ST3GAL4: variants seen among roughly 807,000 people sequenced by gnomAD.
ST3GAL4 encodes CMP-N-acetylneuraminate-beta-galactosamide-alpha-2,3-sialyltransferase 4.
A neutral mutation model predicts 42.6 loss-of-function variants in ST3GAL4; 24 were observed. That is an observed-to-expected ratio of 0.56 (90% confidence interval 0.41 to 0.79). ST3GAL4 has a LOEUF of 0.79. Ranked by LOEUF, ST3GAL4 falls within the 30% of genes least tolerant of loss-of-function variation. The pLI is 0.00. For missense variants in ST3GAL4, 311 were observed against 430.8 expected, an observed-to-expected ratio of 0.72 and a Z score of 2.46; for synonymous variants, 135 against 163.2, an observed-to-expected ratio of 0.83 and a Z score of 1.32.
Position 126,408,211 on chromosome 11 carries a change from C to A in ST3GAL4, c.437+17C>A, listed in dbSNP as rs377255858. The A allele has an allele frequency of 3.9e-5, 63 of 1,613,830 alleles. No homozygotes were observed. Among genetic ancestry groups the A allele is most frequent in the Non-Finnish European group, 5.2e-5 (61 of 1,179,834 alleles). On this transcript the variant is annotated intron_variant, in intron 7 of 10. Transcript: ENST00000444328. Reference sequence around the variant, plus strand: ...GGTCATCAGGTGTGTGTGACTGTCTCTTCCTACTGTTGTTTGGGAACTGGA... The same window carrying A: ...GGTCATCAGGTGTGTGTGACTGTCTATTCCTACTGTTGTTTGGGAACTGGA...
chr11:126,412,969 TATG>T (rs1954594460), intron 9 of ST3GAL4, among the ~76,000 whole-genome samples: 1 of 152,244 alleles, frequency 6.6e-6, no homozygotes, highest in Non-Finnish European at 1.5e-5. Flanking sequence ...AAGTAACTGA[TATG>T]ATGATGGCTG....
intron 1 of ST3GAL4, among the ~76,000 whole-genome samples, chr11:126,371,969 GGT>G (rs1952669472): frequency 6.6e-6 from 1 of 152,040 alleles, no homozygotes; most frequent in African/African-American, 2.4e-5. Flanking sequence ...CTGTCTATTA[GGT>G]GTTTGAATTT....
rs894140751 is a variant in ST3GAL4, at chr11:126,384,055, C to G, written c.-60-22041C>G. 6.6e-6 allele frequency among the ~76,000 whole-genome samples: 1 copy of G among 152,198 alleles called. No individual in the cohort carries two copies. The highest frequency in any genetic ancestry group is 1.5e-5 in the Non-Finnish European group (1 of 68,034). ...CCCAATGCAGGGCCCTCTCCTCTGG[C>G]GAGCCTGCCTTGATACTCCCCGGCT... is the stretch of plus-strand genomic sequence containing the variant. On this transcript the variant is annotated intron_variant, in intron 1 of 10. Coordinates refer to ENST00000444328, the MANE Select transcript of ST3GAL4 (RefSeq NM_001254757.2). This position sits in a 1 kb window ranked among gnomAD's most constrained non-coding sequence, Gnocchi z 5.5.
chr11:126,414,022 C>G lies in ST3GAL4; in HGVS notation c.977C>G (p.Ala326Gly). 1 of 1,614,250 alleles carries G rather than the reference C, an allele frequency of 6.2e-7. No homozygotes were observed. The highest frequency in any genetic ancestry group is 8.5e-7 in the Non-Finnish European group (1 of 1,180,044). The change falls in exon 11 of 11, where the codon GCT becomes GGT. Residue 326 changes from alanine (A) to glycine (G), a missense_variant. Transcript: ENST00000444328. ...ATTAAGCGGATGCTGGAGATGGGAG[C>G]TATCAAGAACCTCACGTCCTTCTGA... Reference protein sequence around the residue: ...LAIKRMLEMGAIKNLTSF With the variant: ...LAIKRMLEMGGIKNLTSF
chr11:126,388,767 C>CTTTTTT (rs10683946), intron 1 of ST3GAL4, among the ~76,000 whole-genome samples: 4 of 52,046 alleles, frequency 7.7e-5, no homozygotes, highest in African/African-American at 2.7e-4. Flanking sequence ...TTTTCAGTGT[C>CTTTTTT]TTTTTTTTTT....
In ST3GAL4 at chr11:126,413,901, T is replaced by G; in HGVS notation, c.916-60T>G. On this transcript the variant is annotated intron_variant, in intron 10 of 10. Transcript: ENST00000444328. ...GCCATTGGGAGGGGCAGGGAGACTT[T>G]CCTGGGGACAGAGAGGTCCCTGGGA... 26 of 1,595,702 alleles carry G rather than the reference T, an allele frequency of 1.6e-5. No homozygotes were observed. The South Asian group carries it at 2.8e-4, about 17-fold the overall frequency.
In ST3GAL4 at chr11:126,408,370, C is replaced by T. The variant is rs1292470021; in HGVS notation, c.501C>T (p.Leu167=). 1 of 1,614,122 alleles carries T rather than the reference C, an allele frequency of 6.2e-7. No homozygotes were observed. Among genetic ancestry groups the T allele is most frequent in the Non-Finnish European group, 8.5e-7 (1 of 1,180,062 alleles). The change falls in exon 8 of 11, where the codon CTC becomes CTT. Residue 167 remains leucine, a synonymous_variant. Transcript: ENST00000444328. ...TGGGCTCCAAGACCACCATGCGTCT[C>T]TTCTACCCTGAATCTGCCCACTTCG... is the stretch of plus-strand genomic sequence containing the variant. ...GDVGSKTTMR[L]FYPESAHFDP... is the part of the protein sequence containing the mutation.
Position 126,363,626 on chromosome 11 carries a change from T to C in ST3GAL4, c.-61+7784T>C, listed in dbSNP as rs1412909566. On this transcript the variant is annotated intron_variant, in intron 1 of 10. Transcript: ENST00000444328. The surrounding 1 kb of genome is among the most constrained non-coding windows in gnomAD (Gnocchi z 4.6). ...AGCTCCTGAGCCCTCATGCAACTCT[T>C]TGGACATCTTCCTGCAAAGGACGGT... Among the ~76,000 whole-genome samples, 3 of 152,194 alleles carry C rather than the reference T, an allele frequency of 2.0e-5. No homozygotes were observed. The highest frequency in any genetic ancestry group is 4.4e-5 in the Non-Finnish European group (3 of 68,032).
chr11:126,391,582 C>G lies in ST3GAL4; in HGVS notation c.-60-14514C>G, dbSNP rs1056577387. Among the ~76,000 whole-genome samples the G allele has an allele frequency of 1.3e-5, 2 of 152,188 alleles. No homozygotes were observed. Among genetic ancestry groups the G allele is most frequent in the African/African-American group, 4.8e-5 (2 of 41,444 alleles). ...CAAGAATGAGTCCTTGAGTCTGTCT[C>G]AGTAGGTGGATCTGCATTCAGTGCA... is the stretch of plus-strand genomic sequence containing the variant. On this transcript the variant is annotated intron_variant, in intron 1 of 10. Transcript: ENST00000444328. This position sits in a 1 kb window ranked among gnomAD's most constrained non-coding sequence, Gnocchi z 5.5.
chr11:126,371,225 C>T (rs1489365441), intron 1 of ST3GAL4, among the ~76,000 whole-genome samples: 1 of 122,120 alleles, frequency 8.2e-6, no homozygotes, highest in Non-Finnish European at 1.6e-5. Context: ...AGTGCAGTGG[C>T]GCGATCTCGG....
Position 126,406,535 on chromosome 11 carries a change from C to A in ST3GAL4, c.79C>A (p.Arg27=), listed in dbSNP as rs11559148. ...CGTCATGGTGTGGTATTCCATCTCC[C>A]GGGAAGACAGGTACATCGAGCTGTG... ...LVVMVWYSIS[R]EDRYIELFYF... Residue 27 remains arginine (R), a synonymous_variant, in exon 3 of 11, where the codon CGG becomes AGG. Transcript: ENST00000444328. This position sits in a 1 kb window ranked among gnomAD's most constrained non-coding sequence, Gnocchi z 5.4. 2 of 1,614,120 alleles carry A rather than the reference C, an allele frequency of 1.2e-6. No individual in the cohort carries two copies. Among genetic ancestry groups the A allele is most frequent in the South Asian group, 2.2e-5 (2 of 91,074 alleles).
chr11:126,369,021 C>T (rs1952536370), intron 1 of ST3GAL4, among the ~76,000 whole-genome samples: 1 of 152,112 alleles, frequency 6.6e-6, no homozygotes, highest in Non-Finnish European at 1.5e-5. Context: ...CTGGCCAGGC[C>T]GTGATTGCCC....
chr11:126,397,376 A>T lies in ST3GAL4; in HGVS notation c.-60-8720A>T, dbSNP rs995984382. Among the ~76,000 whole-genome samples, 14 of 152,078 alleles carry T rather than the reference A, an allele frequency of 9.2e-5. No homozygotes were observed. Among genetic ancestry groups the T allele is most frequent in the African/African-American group, 3.4e-4 (14 of 41,332 alleles). On this transcript the variant is annotated intron_variant, in intron 1 of 10. Coordinates refer to ENST00000444328, the MANE Select transcript of ST3GAL4 (RefSeq NM_001254757.2). The surrounding 1 kb of genome is among the most constrained non-coding windows in gnomAD (Gnocchi z 5.0). Reference sequence around the variant, plus strand: ...AACTCTGGTGGGCTCTTGGTATAAAAATGTCTCCAATCTCAGAGGTCATGG... The same window carrying T: ...AACTCTGGTGGGCTCTTGGTATAAATATGTCTCCAATCTCAGAGGTCATGG...
rs918211235 is a variant in ST3GAL4 at position 126,383,471 on chromosome 11, G to A, written c.-60-22625G>A. Reference sequence around the variant, plus strand: ...GAGCCCAGCCCCCGGCCAGCCCTGAGGAATGGGGGAAAAGAGTGCCCTGGC... The same window carrying A: ...GAGCCCAGCCCCCGGCCAGCCCTGAAGAATGGGGGAAAAGAGTGCCCTGGC... On this transcript the variant is annotated intron_variant, in intron 1 of 10. Transcript: ENST00000444328. This position sits in a 1 kb window ranked among gnomAD's most constrained non-coding sequence, Gnocchi z 4.5. 6.6e-6 allele frequency among the ~76,000 whole-genome samples: 1 copy of A among 152,186 alleles called. No individual in the cohort carries two copies. Among genetic ancestry groups the A allele is most frequent in the Non-Finnish European group, 1.5e-5 (1 of 68,022 alleles).
chr11:126,384,861 T>TGGTAGTGGTGGG lies in ST3GAL4; in HGVS notation c.-60-21232_-60-21221dup, dbSNP rs1953159756. 1 of 985,198 alleles carries TGGTAGTGGTGGG rather than the reference T, an allele frequency of 1.0e-6. No homozygotes were observed. The allele number at this position is 985,198 out of a possible 1,614,324, so 61.0% of individuals were successfully genotyped here. On this transcript the variant is annotated intron_variant, in intron 1 of 10. Coordinates refer to ENST00000444328, the MANE Select transcript of ST3GAL4 (RefSeq NM_001254757.2). This position sits in a 1 kb window ranked among gnomAD's most constrained non-coding sequence, Gnocchi z 5.5. ...GGGCCAGGAGAGGTGAGTGTGATTG[T>TGGTAGTGGTGGG]GGTAGTGGTGGGGGCAGTGGCTGAG...
chr11:126,374,249 C>A (rs774684744), intron 1 of ST3GAL4, among the ~76,000 whole-genome samples: 2 of 151,620 alleles, frequency 1.3e-5, no homozygotes, highest in African/African-American at 2.4e-5. Flanking sequence ...GTCAGGAGTT[C>A]GAGACCAGCC....
At position 126,407,363 on chromosome 11, in the gene ST3GAL4, C is replaced by A; in HGVS notation, c.280+14C>A. ...CCAAGGGGAGTGGTAAGTTCCTACC[C>A]GGCTCGTGGGAACCATGGGCTCACC... On this transcript the variant is annotated intron_variant, in intron 5 of 10. Coordinates refer to ENST00000444328, the MANE Select transcript of ST3GAL4 (RefSeq NM_001254757.2). 6.2e-7 allele frequency: 1 copy of A among 1,612,356 alleles called. No homozygotes were observed. The highest frequency in any genetic ancestry group is 1.3e-5 in the African/African-American group (1 of 75,014).
rs934608990 is a variant in ST3GAL4 at position 126,396,731 on chromosome 11, G to T, written c.-60-9365G>T. 6.7e-6 allele frequency among the ~76,000 whole-genome samples: 1 copy of T among 149,590 alleles called. No individual in the cohort carries two copies. The highest frequency in any genetic ancestry group is 1.5e-5 in the Non-Finnish European group (1 of 67,408). On this transcript the variant is annotated intron_variant, in intron 1 of 10. Coordinates refer to ENST00000444328, the MANE Select transcript of ST3GAL4 (RefSeq NM_001254757.2). The surrounding 1 kb of genome is among the most constrained non-coding windows in gnomAD (Gnocchi z 5.8). ...GGTTTTAGAAGCCGTAGGATGTGGAGGTTCTGGCTGAAGGAGCCAGAATTC... is the reference window on the plus strand; with the variant it reads ...GGTTTTAGAAGCCGTAGGATGTGGATGTTCTGGCTGAAGGAGCCAGAATTC...
At position 126,409,859 on chromosome 11, in the gene ST3GAL4, A is replaced by G. The variant is rs1243055194; in HGVS notation, c.771+448A>G. Reference sequence around the variant, plus strand: ...TTTGTCTTGCATGTCATGATTTGGTATGGTGTGTCAATTCAGGGAGTCAAT... The same window carrying G: ...TTTGTCTTGCATGTCATGATTTGGTGTGGTGTGTCAATTCAGGGAGTCAAT... On this transcript the variant is annotated intron_variant, in intron 9 of 10. Coordinates refer to ENST00000444328, the MANE Select transcript of ST3GAL4 (RefSeq NM_001254757.2). The surrounding 1 kb of genome is among the most constrained non-coding windows in gnomAD (Gnocchi z 4.9). Among the ~76,000 whole-genome samples the G allele has an allele frequency of 6.6e-6, 1 of 152,160 alleles. No homozygotes were observed. The highest frequency in any genetic ancestry group is 1.5e-5 in the Non-Finnish European group (1 of 68,020).
Sources: allele counts gnomAD v4.1 joint callset (sites outside exome capture counted in the v4.1 genomes callset), GRCh38; gene constraint gnomAD v4.1.1; non-coding constraint Gnocchi (gnomAD v3.1); transcripts MANE v1.5; gene names NCBI Gene and HGNC (gene_info 2026-07-23, HGNC 2026-07-21).